Variants in TLE4 observed in about 807,000 individuals in gnomAD.
TLE4 encodes transducin-like enhancer protein 4.
In TLE4, 8 loss-of-function variants were observed where a neutral mutation model predicts 92.8. The observed-to-expected ratio is 0.09, with a 90% CI of 0.05 to 0.16. The LOEUF (loss-of-function observed/expected upper bound fraction) is 0.16, where lower values mean the gene tolerates loss of function less well. Among genes scored for constraint, TLE4 ranks in the 10% least tolerant of loss-of-function variants. The pLI, the probability that TLE4 is intolerant of heterozygous loss-of-function variation, is 1.00. For synonymous variants in TLE4, 371 were observed against 374.1 expected, an observed-to-expected ratio of 0.99 and a Z score of 0.10; for missense variants, 675 against 997.6, an observed-to-expected ratio of 0.68 and a Z score of 4.36.
chr9:79,589,406 C>A (rs1187089741), intron 4 of TLE4, among the ~76,000 whole-genome samples: 5 of 151,600 alleles, frequency 3.3e-5, no homozygotes, highest in Admixed American at 3.3e-4. Flanking sequence ...CCTTTGTAAT[C>A]TTCCTTTTCC....
intron 8 of TLE4, among the ~76,000 whole-genome samples, chr9:79,677,822 C>G (rs1588133728): frequency 6.6e-6 from 1 of 151,972 alleles, no homozygotes; most frequent in African/African-American, 2.4e-5. Flanking sequence ...TTTGTGGATG[C>G]TCTTTTACTT....
At chr9:79,689,719 A>G (rs1444327042) in intron 8 of TLE4, among the ~76,000 whole-genome samples, 7 of 152,174 alleles carry the variant, frequency 4.6e-5, no homozygotes, top group Non-Finnish European at 1.0e-4. Context: ...TGCTGAGCTA[A>G]TTGTGCTCTC....
chr9:79,695,089 T>C (rs2067941641), intron 8 of TLE4, among the ~76,000 whole-genome samples: 1 of 152,140 alleles, frequency 6.6e-6, no homozygotes, highest in African/African-American at 2.4e-5. Flanking sequence ...TTAATTTCTA[T>C]TACAATTTTT....
chr9:79,721,636 C>G, intron 16 of TLE4, 105 bp from the exon 17 acceptor site: 1 of 1,509,782 alleles, frequency 6.6e-7, no homozygotes, highest in South Asian at 1.2e-5. Flanking sequence ...AAAATGAAAT[C>G]TACAAATAAG....
intron 4 of TLE4, among the ~76,000 whole-genome samples, chr9:79,602,658 C>T (rs1258230079): frequency 6.6e-6 from 1 of 152,236 alleles, no homozygotes; most frequent in African/African-American, 2.4e-5. Context: ...TAATGGTGTA[C>T]CTAGTCACCC....
At chr9:79,604,831 G>T (rs1232268566) in intron 4 of TLE4, among the ~76,000 whole-genome samples, 1 of 152,080 alleles carries the variant, frequency 6.6e-6, no homozygotes, top group Non-Finnish European at 1.5e-5. Flanking sequence ...ACATCATTTT[G>T]ATCATACATA....
intron 8 of TLE4, among the ~76,000 whole-genome samples, chr9:79,664,977 C>T (rs1212709298): frequency 1.3e-5 from 2 of 151,940 alleles, no homozygotes; most frequent in African/African-American, 2.4e-5. Context: ...AAATGTTTCA[C>T]GATGGATGTA....
intron 5 of TLE4, among the ~76,000 whole-genome samples, chr9:79,621,283 G>A (rs2050900395): frequency 6.6e-6 from 1 of 152,132 alleles, no homozygotes; most frequent in South Asian, 2.1e-4. Context: ...GGAGTAATGT[G>A]CACTACAAGG....
chr9:79,670,675 G>A (rs571006009), intron 8 of TLE4, among the ~76,000 whole-genome samples: 37 of 152,226 alleles, frequency 2.4e-4, no homozygotes, highest in African/African-American at 8.7e-4. Context: ...CATGTGGCAT[G>A]CTATGAACTC....
At chr9:79,659,571 G>T (rs1320793195) in intron 8 of TLE4, among the ~76,000 whole-genome samples, 1 of 152,018 alleles carries the variant, frequency 6.6e-6, no homozygotes, top group East Asian at 1.9e-4. Flanking sequence ...TCTCTGTTAG[G>T]TCTCTATAAA....
intron 8 of TLE4, among the ~76,000 whole-genome samples, chr9:79,672,795 G>GT (rs1308612087): frequency 6.6e-6 from 1 of 152,136 alleles, no homozygotes; most frequent in African/African-American, 2.4e-5. Context: ...TTGTAGAGAT[G>GT]TATGTTACTT....
chr9:79,631,717 G>A (rs2054300556), intron 6 of TLE4, among the ~76,000 whole-genome samples: 1 of 146,542 alleles, frequency 6.8e-6, no homozygotes, highest in African/African-American at 2.5e-5. Context: ...GTTTAAAAAT[G>A]TATGTCTCTT....
intron 4 of TLE4, among the ~76,000 whole-genome samples, chr9:79,591,579 A>C (rs1298800039): frequency 6.6e-6 from 1 of 152,164 alleles, no homozygotes; most frequent in African/African-American, 2.4e-5. Context: ...CCTGAGAACA[A>C]ATGTCAGTGA....
chr9:79,665,452 C>A (rs1269470508), intron 8 of TLE4, among the ~76,000 whole-genome samples: 7 of 152,176 alleles, frequency 4.6e-5, no homozygotes, highest in Admixed American at 2.6e-4. Context: ...CGTTCCTCTT[C>A]ATTTCTCAGA....
chr9:79,704,516 C>T (rs1328660326), intron 8 of TLE4: 5 of 444,282 alleles, frequency 1.1e-5, no homozygotes, highest in African/African-American at 4.1e-5. Flanking sequence ...TTTTTATTTC[C>T]TCTCCTCCCT....
chr9:79,620,064 T>C (rs2050593682), intron 5 of TLE4, among the ~76,000 whole-genome samples: 1 of 152,130 alleles, frequency 6.6e-6, no homozygotes, highest in Non-Finnish European at 1.5e-5. Context: ...TTTCCTGTGG[T>C]TTAAATGTGG....
chr9:79,708,703 G>A lies in TLE4; in HGVS notation c.1180G>A (p.Ala394Thr), dbSNP rs546708110. The change falls in exon 13 of 20, where the codon GCT becomes ACT. Residue 394 changes from alanine (A) to threonine (T), a missense_variant. This residue lies in a region of TLE4 where 119 missense variants were observed against 175.9 expected (regional missense o/e 0.68). Coordinates refer to ENST00000376552, the MANE Select transcript of TLE4 (RefSeq NM_007005.6). ...GCTGACCAGCCCCGGAGCGGCCTAC[G>A]CTGGGCTCCACAACATCTCCCCTCA... Reference protein sequence around the residue: ...GELTSPGAAYAGLHNISPQMS... With the variant: ...GELTSPGAAYTGLHNISPQMS... The A allele has an allele frequency of 1.5e-5, 24 of 1,613,308 alleles. No homozygotes were observed. The African/African-American group carries it at 2.0e-4, about 13-fold the overall frequency.
intron 6 of TLE4, among the ~76,000 whole-genome samples, chr9:79,648,278 A>C (rs1163488292): frequency 6.6e-6 from 1 of 152,190 alleles, no homozygotes; most frequent in Non-Finnish European, 1.5e-5. Flanking sequence ...GCTAGGTGCC[A>C]GGGGTACTAA....
At chr9:79,602,083 C>G (rs913439227) in intron 4 of TLE4, among the ~76,000 whole-genome samples, 2 of 152,186 alleles carry the variant, frequency 1.3e-5, no homozygotes, top group African/African-American at 4.8e-5. Context: ...TCACTCTCTT[C>G]AATTCTATGA....
Sources: allele counts gnomAD v4.1 joint callset (sites outside exome capture counted in the v4.1 genomes callset), GRCh38; gene constraint gnomAD v4.1.1; regional missense constraint gnomAD v4.1.1; transcripts MANE v1.5; gene names NCBI Gene and HGNC (gene_info 2026-07-23, HGNC 2026-07-21).